The following MED27 variants were observed in gnomAD, a reference collection of about 807,000 sequenced individuals.
MED27 encodes the protein mediator complex subunit 27.
MED27 carries 30 observed loss-of-function variants against 38.2 expected under a neutral mutation model. The observed-to-expected ratio is 0.79, with a 90% CI of 0.59 to 1.07. The LOEUF (loss-of-function observed/expected upper bound fraction) is 1.07, where lower values mean the gene tolerates loss of function less well. Among genes scored for constraint, MED27 ranks in the 50% least tolerant of loss-of-function variants. The pLI is 0.00. For missense variants in MED27, 289 were observed against 397.5 expected, an observed-to-expected ratio of 0.73 and a Z score of 2.32; for synonymous variants, 122 against 153.5, an observed-to-expected ratio of 0.79 and a Z score of 1.52.
chr9:131,970,679 G>T (rs191322783), intron 3 of MED27, among the ~76,000 whole-genome samples: 6 of 152,180 alleles, frequency 3.9e-5, no homozygotes, highest in Non-Finnish European at 8.8e-5. Context: ...AAGAACATGC[G>T]AAATGAGAAC....
At chr9:132,040,489 C>T (rs1000006680) in intron 2 of MED27, among the ~76,000 whole-genome samples, 6 of 152,086 alleles carry the variant, frequency 3.9e-5, no homozygotes, top group African/African-American at 7.2e-5. Flanking sequence ...AGAGACTGCC[C>T]GTACAAATGT....
chr9:131,875,353 G>C (rs747631766), intron 6 of MED27, among the ~76,000 whole-genome samples: 1 of 152,198 alleles, frequency 6.6e-6, no homozygotes, highest in Non-Finnish European at 1.5e-5. Flanking sequence ...GGAATGGGTA[G>C]GTCTGTCATA....
At chr9:132,029,426 C>T (rs531436702) in intron 2 of MED27, among the ~76,000 whole-genome samples, 4 of 149,306 alleles carry the variant, frequency 2.7e-5, no homozygotes, top group African/African-American at 5.0e-5. Context: ...CCTTTTTCCA[C>T]AGCACTGCAC....
chr9:131,938,522 C>T (rs922049979), intron 4 of MED27, among the ~76,000 whole-genome samples: 1 of 152,154 alleles, frequency 6.6e-6, no homozygotes, highest in Non-Finnish European at 1.5e-5. Flanking sequence ...GCATTTCTAT[C>T]CCACTGTATT....
intron 3 of MED27, among the ~76,000 whole-genome samples, chr9:131,976,240 A>C (rs1283803142): frequency 6.6e-6 from 1 of 152,192 alleles, no homozygotes; most frequent in Non-Finnish European, 1.5e-5. Flanking sequence ...AAGTCAGGTG[A>C]GCCCAAGGTC....
chr9:131,968,290 A>G (rs1831397272), intron 3 of MED27, among the ~76,000 whole-genome samples: 1 of 152,102 alleles, frequency 6.6e-6, no homozygotes, highest in African/African-American at 2.4e-5. Context: ...TCTGGACAAC[A>G]TAGTAAGACT....
rs183740426 is a variant in MED27, at chr9:131,882,309, G to C, written c.723+1749C>G. Among the ~76,000 whole-genome samples, 105 of 152,256 alleles carry C rather than the reference G, an allele frequency of 6.9e-4. 3 individuals carry two copies. Among genetic ancestry groups the C allele is most frequent in the East Asian group, 3.3e-3 (17 of 5,170 alleles). On this transcript the variant is annotated intron_variant, in intron 6 of 7. Transcript: ENST00000292035. Reference sequence around the variant, plus strand: ...CCATGACGCCCCTCTGATCCACTAAGTCCTATGCTCACTGCTCAATGCACA... The same window carrying C: ...CCATGACGCCCCTCTGATCCACTAACTCCTATGCTCACTGCTCAATGCACA...
chr9:131,928,579 G>A (rs1300562868), intron 4 of MED27, among the ~76,000 whole-genome samples: 1 of 152,178 alleles, frequency 6.6e-6, no homozygotes, highest in African/African-American at 2.4e-5. Context: ...GCGACTGGGG[G>A]ACTTGCCATT....
At chr9:132,020,654 A>G (rs1393937419) in intron 2 of MED27, among the ~76,000 whole-genome samples, 1 of 152,234 alleles carries the variant, frequency 6.6e-6, no homozygotes, top group Non-Finnish European at 1.5e-5. Context: ...GTATTACAAT[A>G]GAGTTCTGGT....
intron 2 of MED27, among the ~76,000 whole-genome samples, chr9:132,056,820 C>A (rs998623386): frequency 2.6e-5 from 4 of 152,174 alleles, no homozygotes; most frequent in East Asian, 1.9e-4. Flanking sequence ...TGGACCAGAA[C>A]AAAGAGCTGG....
chr9:132,018,093 T>C (rs188824339), intron 2 of MED27, among the ~76,000 whole-genome samples: 125 of 152,336 alleles, frequency 8.2e-4, no homozygotes, highest in Admixed American at 1.5e-3. Context: ...ACACATCTCC[T>C]GTCCCTCTCT....
At chr9:132,005,820 C>T (rs1387845490) in intron 3 of MED27, among the ~76,000 whole-genome samples, 3 of 152,120 alleles carry the variant, frequency 2.0e-5, no homozygotes, top group South Asian at 2.1e-4. Context: ...CTGTCTCAGT[C>T]AGACAGCTTA....
chr9:131,911,922 GA>G (rs1461247163), intron 4 of MED27, among the ~76,000 whole-genome samples: 1 of 152,122 alleles, frequency 6.6e-6, no homozygotes, highest in African/African-American at 2.4e-5. Context: ...GTCAAACACA[GA>G]CATGCATGGA....
chr9:132,045,449 C>G (rs1044925785), intron 2 of MED27, among the ~76,000 whole-genome samples: 1 of 139,316 alleles, frequency 7.2e-6, no homozygotes, highest in Non-Finnish European at 1.6e-5. Flanking sequence ...CACACACACA[C>G]ACACAGACAC....
intron 1 of MED27, among the ~76,000 whole-genome samples, 155 bp from the exon 2 acceptor site, chr9:132,077,741 T>TAA (rs58871054): frequency 1.2e-3 from 180 of 145,612 alleles, no homozygotes; most frequent in Admixed American, 3.3e-3. Flanking sequence ...TTGGGACACT[T>TAA]AAAAAAAAAA....
chr9:131,871,178 C>G lies in MED27; in HGVS notation c.724-8038G>C, dbSNP rs116609851. Among the ~76,000 whole-genome samples, 1,216 of 152,250 alleles carry G rather than the reference C, an allele frequency of 8.0e-3. 16 individuals are homozygous for G. Among genetic ancestry groups the G allele is most frequent in the African/African-American group, 0.028 (1,150 of 41,532 alleles). ...CTGTACGCCCCGGATTCGGTGCTCACCCTACCATACACCCCACATTCGGTA... is the reference window on the plus strand; with the variant it reads ...CTGTACGCCCCGGATTCGGTGCTCAGCCTACCATACACCCCACATTCGGTA... On this transcript the variant is annotated intron_variant, in intron 6 of 7. Transcript: ENST00000292035.
At chr9:131,988,540 T>TGGAAA (rs1831904761) in intron 3 of MED27, among the ~76,000 whole-genome samples, 7 of 152,346 alleles carry the variant, frequency 4.6e-5, no homozygotes, top group Admixed American at 3.9e-4. Flanking sequence ...TCCTTATGAT[T>TGGAAA]TTCTTAGTAA....
At chr9:131,992,813 C>T (rs1832005489) in intron 3 of MED27, among the ~76,000 whole-genome samples, 1 of 152,184 alleles carries the variant, frequency 6.6e-6, no homozygotes, top group South Asian at 2.1e-4. Flanking sequence ...CTGAGAAACT[C>T]ACCACCCACA....
At chr9:132,036,386 T>C (rs1412787494) in intron 2 of MED27, among the ~76,000 whole-genome samples, 1 of 152,100 alleles carries the variant, frequency 6.6e-6, no homozygotes, top group East Asian at 1.9e-4. Flanking sequence ...TCTATTTTCT[T>C]GTAGAGAGGT....
Sources: gnomAD v4.1 joint callset for allele counts (sites outside exome capture counted in the v4.1 genomes callset) on GRCh38, gnomAD v4.1.1 for gene constraint, MANE v1.5 for transcripts, NCBI Gene and HGNC (gene_info 2026-07-23, HGNC 2026-07-21) for gene names.